The following ABCD3 variants were observed in gnomAD, a reference collection of about 807,000 sequenced individuals.
ABCD3 encodes ATP binding cassette subfamily D member 3.
A neutral mutation model predicts 105.5 loss-of-function variants in ABCD3; 41 were observed. The ratio of observed to expected loss-of-function variants is 0.39; its 90% CI spans 0.30 to 0.50. The LOEUF is 0.50. Among genes scored for constraint, ABCD3 ranks in the 20% least tolerant of loss-of-function variants. The pLI is 0.84. For synonymous variants in ABCD3, 258 were observed against 269.0 expected, an observed-to-expected ratio of 0.96 and a Z score of 0.40; for missense variants, 622 against 806.3, an observed-to-expected ratio of 0.77 and a Z score of 2.77.
intron 16 of ABCD3, among the ~76,000 whole-genome samples, chr1:94,496,132 A>T (rs1274110091): frequency 2.6e-5 from 4 of 152,166 alleles, no homozygotes; most frequent in African/African-American, 9.7e-5. Context: ...CTAAGTGTAT[A>T]ATTTAGTGGC....
intron 1 of ABCD3, among the ~76,000 whole-genome samples, chr1:94,434,182 A>C (rs1278187246): frequency 6.6e-6 from 1 of 152,168 alleles, no homozygotes; most frequent in Non-Finnish European, 1.5e-5. Context: ...TATTTAAAAA[A>C]AATTTTTTAG....
rs1455711279 is a variant in ABCD3, at chr1:94,502,587, C to T, written c.1740+2973C>T. Among the ~76,000 whole-genome samples the T allele has an allele frequency of 2.6e-5, 4 of 151,742 alleles. No homozygotes were observed. The South Asian group carries it at 6.3e-4, about 24-fold the overall frequency. ...TCTCAGCTTACCGTAATCTCTGCCTCCCAGGTTCAAGAGATTCTCCTGCCT... is the reference window on the plus strand; with the variant it reads ...TCTCAGCTTACCGTAATCTCTGCCTTCCAGGTTCAAGAGATTCTCCTGCCT... On this transcript the variant is annotated intron_variant, in intron 20 of 22. Coordinates refer to ENST00000370214, the MANE Select transcript of ABCD3 (RefSeq NM_002858.4).
intron 2 of ABCD3, among the ~76,000 whole-genome samples, chr1:94,464,352 A>G (rs1648031054): frequency 6.6e-6 from 1 of 152,020 alleles, no homozygotes; most frequent in Non-Finnish European, 1.5e-5. Context: ...GGTGTTAATC[A>G]GGAAGTGGCT....
At chr1:94,386,387 A>C in the ABCD3 span, among the ~76,000 whole-genome samples, 1 of 152,262 alleles carries the variant, frequency 6.6e-6, no homozygotes, top group South Asian at 2.1e-4. Flanking sequence ...TTTTCAAAGC[A>C]AGTGTCAAAT....
Position 94,489,781 on chromosome 1 carries a change from A to G in ABCD3, c.1214A>G (p.Lys405Arg), listed in dbSNP as rs771254875. 19 of 1,613,226 alleles carry G rather than the reference A, an allele frequency of 1.2e-5. No individual in the cohort carries two copies. The highest frequency in any genetic ancestry group is 2.2e-5 in the East Asian group (1 of 44,790). ...MQVLKDLNHG[K>R]YERTMVSQQE... ...GTACTGAAGGATTTAAATCATGGCA[A>G]ATATGAGCGCACAATGGTCTCACAA... Residue 405 changes from lysine (K) to arginine (R), a missense_variant, in exon 14 of 23, where the codon AAA becomes AGA. Coordinates refer to ENST00000370214, the MANE Select transcript of ABCD3 (RefSeq NM_002858.4).
intron 1 of ABCD3, among the ~76,000 whole-genome samples, chr1:94,445,908 G>C (rs1318492982): frequency 6.6e-6 from 1 of 152,166 alleles, no homozygotes; most frequent in African/African-American, 2.4e-5. Flanking sequence ...TTATATCAAG[G>C]CCTGTGATGG....
Position 94,518,507 on chromosome 1 carries a change from A to AC in ABCD3, c.*1378_*1379insC, listed in dbSNP as rs1010686042. ...TTTTCTGTTCAGATTAAAAAAAAAA[A>AC]AAAAAAACTCAGATATCCTATACAA... On this transcript the variant is annotated 3_prime_UTR_variant, in exon 23 of 23. Coordinates refer to ENST00000370214, the MANE Select transcript of ABCD3 (RefSeq NM_002858.4). 6.6e-6 allele frequency: 1 copy of AC among 152,128 alleles called. No individual in the cohort carries two copies. Among genetic ancestry groups the AC allele is most frequent in the Non-Finnish European group, 1.5e-5 (1 of 67,788 alleles). The allele number at this position is 152,128 out of a possible 1,614,324, so 9.4% of individuals were successfully genotyped here. A position where few individuals can be genotyped will look rare whatever the true frequency, so the allele number is the denominator to read the frequency against.
intron 1 of ABCD3, among the ~76,000 whole-genome samples, chr1:94,425,284 T>C (rs1308462923): frequency 6.6e-6 from 1 of 152,234 alleles, no homozygotes; most frequent in Non-Finnish European, 1.5e-5. Flanking sequence ...TGTATTTATG[T>C]GCATTTTTAC....
chr1:94,393,882 G>T, the ABCD3 span, among the ~76,000 whole-genome samples: 1 of 152,160 alleles, frequency 6.6e-6, no homozygotes, highest in East Asian at 1.9e-4. Context: ...AGGGAAATTT[G>T]CCCTGCAGCC....
Position 94,483,096 on chromosome 1 carries a change from C to T in ABCD3, c.828-74C>T, listed in dbSNP as rs1429363371. On this transcript the variant is annotated intron_variant, in intron 9 of 22. Transcript: ENST00000370214. ...CATTTAAATACAAACATTCAGCCAT[C>T]ATATACTGTATTTCAATTATTTTCC... The T allele has an allele frequency of 1.0e-5, 10 of 963,652 alleles. No homozygotes were observed. In the East Asian group the frequency reaches 2.6e-4, roughly 25 times the overall value. 59.7% of individuals were successfully genotyped at this position (963,652 alleles called of 1,614,324 possible). A position where few individuals can be genotyped will look rare whatever the true frequency, so the allele number is the denominator to read the frequency against.
At chr1:94,517,003 C>T (rs767169201) in intron 22 of ABCD3, 49 bp from the exon 23 acceptor site, 3 of 1,225,734 alleles carry the variant, frequency 2.4e-6, no homozygotes, top group Non-Finnish European at 3.6e-6. Context: ...AAAGACAGTA[C>T]TATATTCACT....
At chr1:94,391,138 G>A in the ABCD3 span, among the ~76,000 whole-genome samples, 2,663 of 152,246 alleles carry the variant, frequency 0.017, 78 homozygotes, top group African/African-American at 0.061. Context: ...TGTTCAATGA[G>A]TGGGCTCCAG....
intron 1 of ABCD3, among the ~76,000 whole-genome samples, chr1:94,435,696 C>A (rs1174462761): frequency 6.6e-6 from 1 of 152,110 alleles, no homozygotes; most frequent in African/African-American, 2.4e-5. Context: ...AGAAAGAAAC[C>A]TTTTCTTTTC....
intron 1 of ABCD3, among the ~76,000 whole-genome samples, chr1:94,426,662 C>T (rs1659481982): frequency 6.6e-6 from 1 of 151,816 alleles, no homozygotes; most frequent in Non-Finnish European, 1.5e-5. Flanking sequence ...CTTGCCTCAC[C>T]CTCCCGAGTA....
chr1:94,389,312 ATC>A, the ABCD3 span, among the ~76,000 whole-genome samples: 1 of 152,278 alleles, frequency 6.6e-6, no homozygotes, highest in African/African-American at 2.4e-5. Flanking sequence ...CATAAACAAA[ATC>A]TCTGCAGTGC....
At chr1:94,390,162 G>A in the ABCD3 span, among the ~76,000 whole-genome samples, 1 of 152,174 alleles carries the variant, frequency 6.6e-6, no homozygotes, top group Non-Finnish European at 1.5e-5. Flanking sequence ...TGATGTGGCA[G>A]ACCTGATTTA....
chr1:94,439,933 A>G (rs1660072910), intron 1 of ABCD3, among the ~76,000 whole-genome samples: 1 of 152,156 alleles, frequency 6.6e-6, no homozygotes, highest in African/African-American at 2.4e-5. Context: ...CACAGGTGCA[A>G]TCACAGCTTC....
chr1:94,453,212 T>G (rs1042277204), intron 1 of ABCD3, among the ~76,000 whole-genome samples: 5 of 152,216 alleles, frequency 3.3e-5, no homozygotes, highest in Non-Finnish European at 7.3e-5. Flanking sequence ...GGTTTGGTTC[T>G]TTTTTGGGGA....
chr1:94,505,560 C>G (rs1413897772), intron 20 of ABCD3, among the ~76,000 whole-genome samples: 1 of 151,838 alleles, frequency 6.6e-6, no homozygotes, highest in Non-Finnish European at 1.5e-5. Flanking sequence ...GTGAGAGATG[C>G]ATATTGCAAG....
Sources: gnomAD v4.1 joint callset for allele counts (sites outside exome capture counted in the v4.1 genomes callset) on GRCh38, gnomAD v4.1.1 for gene constraint, MANE v1.5 for transcripts, NCBI Gene and HGNC (gene_info 2026-07-23, HGNC 2026-07-21) for gene names.